Variants in FLI1 observed in about 807,000 individuals in gnomAD.
The protein encoded by FLI1 is Friend leukemia integration 1 transcription factor.
In FLI1, 13 loss-of-function variants were observed where a neutral mutation model predicts 53.1. The ratio of observed to expected loss-of-function variants is 0.24; its 90% CI spans 0.16 to 0.39. FLI1 has a LOEUF of 0.39. FLI1 is among the 10% of genes least tolerant of loss of function. FLI1 has a pLI of 1.00. For missense variants in FLI1, 424 were observed against 600.5 expected, an observed-to-expected ratio of 0.71 and a Z score of 3.07; for synonymous variants, 244 against 236.7, an observed-to-expected ratio of 1.03 and a Z score of -0.28.
intron 1 of FLI1, among the ~76,000 whole-genome samples, chr11:128,700,353 C>T (rs1938272242): frequency 6.6e-6 from 1 of 152,212 alleles, no homozygotes; most frequent in Admixed American, 6.5e-5. Context: ...CAGTGTTTCT[C>T]ATTCCTGATT....
intron 1 of FLI1, among the ~76,000 whole-genome samples, chr11:128,732,640 G>T (rs953464293): frequency 5.9e-5 from 9 of 152,210 alleles, no homozygotes; most frequent in Non-Finnish European, 1.3e-4. Context: ...ACAAGCCTGG[G>T]ATTGGAGAAG....
chr11:128,790,512 T>C (rs551789213), intron 5 of FLI1, among the ~76,000 whole-genome samples: 27 of 152,334 alleles, frequency 1.8e-4, no homozygotes, highest in African/African-American at 6.0e-4. Context: ...ACTTTCTAAG[T>C]AACCATTATC....
chr11:128,729,301 G>A (rs1031465689), intron 1 of FLI1, among the ~76,000 whole-genome samples: 1 of 152,212 alleles, frequency 6.6e-6, no homozygotes, highest in African/African-American at 2.4e-5. Flanking sequence ...TTATCTCACA[G>A]GTGGGAGGGA....
rs143154593 is a variant in FLI1 at position 128,771,200 on chromosome 11, A to G, written c.386-1582A>G. 3.3e-5 allele frequency among the ~76,000 whole-genome samples: 5 copies of G among 152,342 alleles called. No individual in the cohort carries two copies. In the East Asian group the frequency reaches 7.7e-4, roughly 23 times the overall value. ...GGTGGCACATAGCACCCACCATCTG[A>G]GCCGTCACTGCTCACAGGGCATTAG... is the stretch of plus-strand genomic sequence containing the variant. On this transcript the variant is annotated intron_variant, in intron 3 of 8. Coordinates refer to ENST00000527786, the MANE Select transcript of FLI1 (RefSeq NM_002017.5).
intron 1 of FLI1, among the ~76,000 whole-genome samples, chr11:128,701,229 T>A (rs187898032): frequency 2.0e-5 from 3 of 152,330 alleles, no homozygotes; most frequent in Admixed American, 2.0e-4. Flanking sequence ...CCAGGGGATT[T>A]CACCATGAGC....
chr11:128,796,785 G>A (rs985579933), intron 5 of FLI1, among the ~76,000 whole-genome samples: 10 of 152,156 alleles, frequency 6.6e-5, no homozygotes, highest in Non-Finnish European at 5.9e-5. Flanking sequence ...GACAAGCCTG[G>A]CCAACATGGT....
intron 2 of FLI1, among the ~76,000 whole-genome samples, chr11:128,767,211 A>G (rs1468686176): frequency 6.6e-6 from 1 of 152,164 alleles, no homozygotes; most frequent in East Asian, 1.9e-4. Flanking sequence ...GTTCTAGGCT[A>G]AGTTGGATGA....
intron 1 of FLI1, among the ~76,000 whole-genome samples, chr11:128,752,898 G>A (rs1307907331): frequency 6.6e-6 from 1 of 152,190 alleles, no homozygotes; most frequent in Admixed American, 6.5e-5. Context: ...TATCCCACCG[G>A]TTCAAGTGCA....
upstream of FLI1, among the ~76,000 whole-genome samples, chr11:128,691,390 A>G (rs1937734384): frequency 6.6e-6 from 1 of 152,188 alleles, no homozygotes; most frequent in African/African-American, 2.4e-5. Flanking sequence ...CCAACACTGG[A>G]TGGAGGAAAT....
intron 1 of FLI1, among the ~76,000 whole-genome samples, chr11:128,744,380 C>G (rs1940283140): frequency 6.6e-6 from 1 of 151,980 alleles, no homozygotes; most frequent in Non-Finnish European, 1.5e-5. Flanking sequence ...AGAAATAAGC[C>G]CAGAGAGATA....
intron 2 of FLI1, chr11:128,764,609 G>A (rs756321226): frequency 3.9e-5 from 59 of 1,517,428 alleles, no homozygotes; most frequent in African/African-American, 2.5e-4. Flanking sequence ...ACCTCGTCCC[G>A]CACTCCCCCT....
chr11:128,779,542 T>A (rs1941844466), intron 4 of FLI1, among the ~76,000 whole-genome samples: 1 of 152,222 alleles, frequency 6.6e-6, no homozygotes, highest in African/African-American at 2.4e-5. Context: ...AGAAAGGATG[T>A]AAAAATAGTA....
At chr11:128,709,378 T>C (rs762770999) in intron 1 of FLI1, among the ~76,000 whole-genome samples, 1 of 152,226 alleles carries the variant, frequency 6.6e-6, no homozygotes, top group Non-Finnish European at 1.5e-5. Flanking sequence ...GTTGCTTTTT[T>C]CTGGCCTTAG....
intron 1 of FLI1, among the ~76,000 whole-genome samples, chr11:128,719,314 C>A (rs1939153717): frequency 1.3e-5 from 2 of 149,228 alleles, no homozygotes; most frequent in Admixed American, 6.7e-5. Context: ...GTTGTGAGGA[C>A]AAAATGGTCT....
In FLI1 at chr11:128,810,830, G is replaced by T; in HGVS notation, c.1201G>T (p.Val401Phe). 1 of 1,613,980 alleles carries T rather than the reference G, an allele frequency of 6.2e-7. No homozygotes were observed. Among genetic ancestry groups the T allele is most frequent in the Non-Finnish European group, 8.5e-7 (1 of 1,179,894 alleles). Residue 401 changes from valine to phenylalanine, a missense_variant, in exon 9 of 9, where the codon GTC becomes TTC. Val to Phe is a conservative substitution (Grantham distance 50). Around this residue, in one of 5 missense-constraint regions of FLI1, gnomAD observed 87 missense variants for 100.0 expected, o/e 0.87. Coordinates refer to ENST00000527786, the MANE Select transcript of FLI1 (RefSeq NM_002017.5). This position sits in a 1 kb window ranked among gnomAD's most constrained non-coding sequence, Gnocchi z 6.6. Reference protein sequence around the residue: ...YHAHQQKVNFVPPHPSSMPVT... With the variant: ...YHAHQQKVNFFPPHPSSMPVT... ...TGCCCACCAGCAGAAGGTGAACTTTGTCCCTCCCCATCCATCCTCCATGCC... is the reference window on the plus strand; with the variant it reads ...TGCCCACCAGCAGAAGGTGAACTTTTTCCCTCCCCATCCATCCTCCATGCC...
chr11:128,686,597 G>A (rs968270832), exon 1 of FLI1: 5 of 399,614 alleles, frequency 1.3e-5, no homozygotes, highest in Non-Finnish European at 2.5e-5. Flanking sequence ...CGCTCCACTC[G>A]CGGGTAACCG....
At chr11:128,738,936 A>T (rs1242125547) in intron 1 of FLI1, among the ~76,000 whole-genome samples, 1 of 152,184 alleles carries the variant, frequency 6.6e-6, no homozygotes, top group East Asian at 1.9e-4. Flanking sequence ...ACAAAACAAA[A>T]CAAAAAAGAA....
intron 1 of FLI1, among the ~76,000 whole-genome samples, chr11:128,757,041 ATTTTTTCT>A (rs1394063202): frequency 5.7e-5 from 7 of 123,298 alleles, no homozygotes; most frequent in South Asian, 2.6e-4. Flanking sequence ...TATCTAGCTA[ATTTTTTCT>A]TTCTTTCTTT....
chr11:128,715,682 C>T (rs747581763), intron 1 of FLI1, among the ~76,000 whole-genome samples: 1 of 152,192 alleles, frequency 6.6e-6, no homozygotes, highest in Non-Finnish European at 1.5e-5. Flanking sequence ...TTTATTTTCC[C>T]ACTGGGGAAT....
Sources: allele counts gnomAD v4.1 joint callset (sites outside exome capture counted in the v4.1 genomes callset), GRCh38; gene constraint gnomAD v4.1.1; regional missense constraint gnomAD v4.1.1; non-coding constraint Gnocchi (gnomAD v3.1); transcripts MANE v1.5; gene names NCBI Gene and HGNC (gene_info 2026-07-23, HGNC 2026-07-21).